SRD5A2: variants seen among roughly 807,000 people sequenced by gnomAD.
SRD5A2 encodes the protein 3-oxo-5-alpha-steroid 4-dehydrogenase 2.
A neutral mutation model predicts 27.4 loss-of-function variants in SRD5A2; 30 were observed. The ratio of observed to expected loss-of-function variants is 1.10; its 90% CI spans 0.82 to 1.49. The LOEUF (loss-of-function observed/expected upper bound fraction) is 1.49. Among genes scored for constraint, SRD5A2 ranks in the 40% most tolerant of loss-of-function variants. SRD5A2 has a pLI of 0.00. For synonymous variants in SRD5A2, 141 were observed against 133.6 expected, an observed-to-expected ratio of 1.06 and a Z score of -0.38; for missense variants, 348 against 323.4, an observed-to-expected ratio of 1.08 and a Z score of -0.58.
the SRD5A2 span, among the ~76,000 whole-genome samples, chr2:31,659,430 AC>A: frequency 6.6e-6 from 1 of 152,262 alleles, no homozygotes; most frequent in African/African-American, 2.4e-5. Flanking sequence ...TACCTAGAAA[AC>A]CTCATAGTCT....
intron 1 of SRD5A2, among the ~76,000 whole-genome samples, chr2:31,534,705 C>T (rs761251008): frequency 6.6e-6 from 1 of 152,180 alleles, no homozygotes; most frequent in African/African-American, 2.4e-5. Context: ...CTTTTGCAGA[C>T]AAGAAAGAGC....
At chr2:31,564,943 A>G (rs1240469273) in intron 1 of SRD5A2, among the ~76,000 whole-genome samples, 2 of 152,036 alleles carry the variant, frequency 1.3e-5, no homozygotes, top group Non-Finnish European at 2.9e-5. Flanking sequence ...AAGCAAATAT[A>G]TAACTTTTTT....
At chr2:31,655,274 G>A in the SRD5A2 span, among the ~76,000 whole-genome samples, 1 of 151,924 alleles carries the variant, frequency 6.6e-6, no homozygotes, top group African/African-American at 2.4e-5. Flanking sequence ...ACTAATTTTT[G>A]TATTTTTAGA....
chr2:31,615,361 G>C, the SRD5A2 span, among the ~76,000 whole-genome samples: 1 of 152,300 alleles, frequency 6.6e-6, no homozygotes, highest in Non-Finnish European at 1.5e-5. Context: ...TAGTGATATA[G>C]ATAATAAGGT....
chr2:31,661,088 G>A, the SRD5A2 span, among the ~76,000 whole-genome samples: 7 of 152,102 alleles, frequency 4.6e-5, no homozygotes, highest in African/African-American at 7.2e-5. Flanking sequence ...GGTGATTCAA[G>A]GGCCCACTGA....
the SRD5A2 span, among the ~76,000 whole-genome samples, chr2:31,601,437 C>T: frequency 6.6e-6 from 1 of 151,894 alleles, no homozygotes; most frequent in Non-Finnish European, 1.5e-5. Flanking sequence ...AGCCTACCAA[C>T]TAAAAAATGC....
chr2:31,590,454 T>C, the SRD5A2 span, among the ~76,000 whole-genome samples: 2 of 152,146 alleles, frequency 1.3e-5, no homozygotes, highest in Non-Finnish European at 2.9e-5. Flanking sequence ...GAATGGGAGT[T>C]CACTCATGAT....
At chr2:31,646,945 G>A in the SRD5A2 span, among the ~76,000 whole-genome samples, 14 of 152,196 alleles carry the variant, frequency 9.2e-5, no homozygotes, top group South Asian at 2.1e-4. Context: ...TCAGGAGTTC[G>A]AGACTAGCCT....
At chr2:31,578,091 TAAC>T (rs1262930112) in intron 1 of SRD5A2, among the ~76,000 whole-genome samples, 1 of 152,144 alleles carries the variant, frequency 6.6e-6, no homozygotes, top group Non-Finnish European at 1.5e-5. Context: ...ATATTCAACA[TAAC>T]AAGCATGTGT....
chr2:31,629,168 G>C, the SRD5A2 span, among the ~76,000 whole-genome samples: 1 of 152,078 alleles, frequency 6.6e-6, no homozygotes, highest in Non-Finnish European at 1.5e-5. Flanking sequence ...TGTCCTAATT[G>C]AGCAAAACAC....
intron 1 of SRD5A2, among the ~76,000 whole-genome samples, chr2:31,550,535 T>C (rs1323792819): frequency 1.3e-5 from 2 of 151,982 alleles, no homozygotes; most frequent in African/African-American, 4.8e-5. Context: ...ATATGAAGAA[T>C]TATATAGCAT....
the SRD5A2 span, among the ~76,000 whole-genome samples, chr2:31,591,186 A>G: frequency 3.3e-5 from 5 of 152,358 alleles, no homozygotes; most frequent in African/African-American, 1.2e-4. Context: ...CAATCTATTC[A>G]TCTGACAAAG....
At chr2:31,654,075 A>G in the SRD5A2 span, among the ~76,000 whole-genome samples, 1 of 151,728 alleles carries the variant, frequency 6.6e-6, no homozygotes, top group Non-Finnish European at 1.5e-5. Flanking sequence ...AAGAGAAGTA[A>G]AGAAAGTTAA....
chr2:31,645,879 G>C, the SRD5A2 span, among the ~76,000 whole-genome samples: 1 of 152,054 alleles, frequency 6.6e-6, no homozygotes, highest in Admixed American at 6.6e-5. Flanking sequence ...CACATATAAA[G>C]TATATTCACC....
chr2:31,635,465 A>C, the SRD5A2 span, among the ~76,000 whole-genome samples: 2 of 151,974 alleles, frequency 1.3e-5, no homozygotes, highest in African/African-American at 4.8e-5. Flanking sequence ...TGGCAGATGG[A>C]TAGTTGCAAA....
the SRD5A2 span, among the ~76,000 whole-genome samples, chr2:31,611,553 C>A: frequency 6.6e-6 from 1 of 152,080 alleles, no homozygotes; most frequent in East Asian, 1.9e-4. Flanking sequence ...AGATAACTCA[C>A]AAAATAAGAG....
At chr2:31,598,210 C>A in the SRD5A2 span, among the ~76,000 whole-genome samples, 1 of 152,088 alleles carries the variant, frequency 6.6e-6, no homozygotes, top group South Asian at 2.1e-4. Flanking sequence ...AAAAACCAAG[C>A]ATTGTATGTT....
At chr2:31,581,098 G>C (rs1572375437), upstream of SRD5A2, 2 of 599,032 alleles carry the variant, frequency 3.3e-6, no homozygotes, top group Non-Finnish European at 5.7e-6. Context: ...ATGCAGCCGC[G>C]GTGGCCGGAG....
chr2:31,617,054 G>T, the SRD5A2 span, among the ~76,000 whole-genome samples: 1 of 152,108 alleles, frequency 6.6e-6, no homozygotes, highest in South Asian at 2.1e-4. Context: ...TTCTCATTCT[G>T]TCTTGCCTGC....
Sources: allele counts gnomAD v4.1 joint callset (sites outside exome capture counted in the v4.1 genomes callset), GRCh38; gene constraint gnomAD v4.1.1; transcripts MANE v1.5; gene names NCBI Gene and HGNC (gene_info 2026-07-23, HGNC 2026-07-21).